Variants in SLC25A46 observed in about 807,000 individuals in gnomAD.
The protein encoded by SLC25A46 is mitochondrial outer membrane protein SLC25A46.
Under a neutral mutation model 44.6 loss-of-function variants are expected in SLC25A46, and 39 were observed. That is an observed-to-expected ratio of 0.87 (90% CI 0.68 to 1.14). The LOEUF (loss-of-function observed/expected upper bound fraction) is 1.14. Ranked by LOEUF, SLC25A46 falls within the 50% of genes most tolerant of loss-of-function variation. The pLI, the probability that SLC25A46 is intolerant of heterozygous loss-of-function variation, is 0.00. For synonymous variants in SLC25A46, 202 were observed against 185.8 expected (o/e 1.09, Z -0.71); for missense variants, 547 against 522.7 (o/e 1.05, Z -0.45).
Position 110,758,573 on chromosome 5 carries a change from C to CA in SLC25A46, c.678+1815dup, listed in dbSNP as rs577301603. Among the ~76,000 whole-genome samples, 468 of 152,026 alleles carry CA rather than the reference C, an allele frequency of 3.1e-3. 1 individual carries two copies. Among genetic ancestry groups the CA allele is most frequent in the Non-Finnish European group, 5.2e-3 (353 of 67,996 alleles). On this transcript the variant is annotated intron_variant, in intron 7 of 7. Coordinates refer to ENST00000355943, the MANE Select transcript of SLC25A46 (RefSeq NM_138773.4). ...GGCCTAGGTGGGCGGATCATGAGGT[C>CA]AGGAGTTCGAGACCAGCCTGGCCAA...
At chr5:110,743,966 G>A (rs1799752396) in intron 3 of SLC25A46, among the ~76,000 whole-genome samples, 179 bp downstream of exon 3, 1 of 151,988 alleles carries the variant, frequency 6.6e-6, no homozygotes, top group Admixed American at 6.5e-5. Context: ...AATAACTTTG[G>A]TTTATGTTGG....
rs534957182 is a variant in SLC25A46, at chr5:110,761,098, T to C, written c.679-106T>C. The C allele has an allele frequency of 1.2e-5, 10 of 823,376 alleles. No homozygotes were observed. In the Admixed American group the frequency reaches 1.3e-4, roughly 11 times the overall value. The allele number at this position is 823,376 out of a possible 1,614,324, so 51.0% of individuals were successfully genotyped here. On this transcript the variant is annotated intron_variant, in intron 7 of 7. Transcript: ENST00000355943. The surrounding 1 kb of genome is among the most constrained non-coding windows in gnomAD (Gnocchi z 5.3). ...AGTCTGCAAATCATGGATGTTTCCC[T>C]CTTCAGTCACTATGTTAGGATTTAA...
intron 5 of SLC25A46, among the ~76,000 whole-genome samples, chr5:110,749,482 CATG>C (rs1435967263): frequency 7.1e-6 from 1 of 141,304 alleles, no homozygotes; most frequent in Non-Finnish European, 1.5e-5. Flanking sequence ...CCTAGGCATA[CATG>C]TGTGCCGTGT....
rs1409729642 is a variant in SLC25A46, at chr5:110,739,364, C to T, written c.245C>T (p.Ser82Phe). 3.2e-6 allele frequency: 5 copies of T among 1,556,220 alleles called. No homozygotes were observed. Among genetic ancestry groups the T allele is most frequent in the Non-Finnish European group, 4.3e-6 (5 of 1,152,938 alleles). The part of the protein sequence containing the change: ...PYEGPTEEPF[S>F]SGGGGSVQGQ... ...GAAGGCCCCACGGAGGAACCCTTTT[C>T]CAGTGGCGGCGGCGGCAGTGTGCAG... Residue 82 changes from serine (S) to phenylalanine (F), a missense_variant, in exon 1 of 8, where the codon TCC becomes TTC. Transcript: ENST00000355943.
chr5:110,753,163 C>T (rs1411175449), intron 5 of SLC25A46: 2 of 152,098 alleles, frequency 1.3e-5, no homozygotes, highest in South Asian at 2.1e-4. Flanking sequence ...TGTTTTTGTT[C>T]AAAACCAATT....
Position 110,746,250 on chromosome 5 carries a change from T to C in SLC25A46, c.385-19T>C. 6.5e-7 allele frequency: 1 copy of C among 1,528,270 alleles called. No individual in the cohort carries two copies. Among genetic ancestry groups the C allele is most frequent in the Non-Finnish European group, 8.9e-7 (1 of 1,129,150 alleles). The allele number at this position is 1,528,270 out of a possible 1,614,324, so 94.7% of individuals were successfully genotyped here. On this transcript the variant is annotated intron_variant, in intron 3 of 7. Coordinates refer to ENST00000355943, the MANE Select transcript of SLC25A46 (RefSeq NM_138773.4). ...ACAAAACATTAACAGAAAAAAATAA[T>C]GAAATATCTTTTTTACAGGTTAATT...
At chr5:110,741,228 G>C (rs891178026) in intron 1 of SLC25A46, among the ~76,000 whole-genome samples, 1 of 152,180 alleles carries the variant, frequency 6.6e-6, no homozygotes, top group Non-Finnish European at 1.5e-5. Context: ...ATGACTTTGA[G>C]TTTAGTCAAG....
intron 3 of SLC25A46, 23 bp from the exon 4 acceptor site, chr5:110,746,246 A>G: frequency 6.6e-7 from 1 of 1,519,556 alleles, no homozygotes; most frequent in East Asian, 2.4e-5. Context: ...ACAGAAAAAA[A>G]TAATGAAATA....
intron 3 of SLC25A46, 186 bp from the exon 4 acceptor site, chr5:110,746,083 C>T (rs954964215): frequency 1.1e-5 from 6 of 546,998 alleles, no homozygotes; most frequent in Non-Finnish European, 1.9e-5. Context: ...TTTATATAAC[C>T]ATACATACTG....
At chr5:110,750,738 G>T (rs1245492926) in intron 5 of SLC25A46, among the ~76,000 whole-genome samples, 2 of 152,126 alleles carry the variant, frequency 1.3e-5, no homozygotes, top group Non-Finnish European at 2.9e-5. Flanking sequence ...TAAATCCGTA[G>T]TTGCCTGAAT....
chr5:110,739,554 C>T, intron 1 of SLC25A46, 152 bp downstream of exon 1: 1 of 1,087,940 alleles, frequency 9.2e-7, no homozygotes, highest in Non-Finnish European at 1.3e-6. Context: ...GGTCCTCTGC[C>T]CCTGAGGCTG....
chr5:110,756,609 A>G (rs1216355533), intron 6 of SLC25A46, 93 bp from the exon 7 acceptor site: 6 of 782,130 alleles, frequency 7.7e-6, no homozygotes, highest in African/African-American at 7.3e-5. Context: ...TAGCTTGACT[A>G]TAAATTATGT....
At position 110,752,059 on chromosome 5, in the gene SLC25A46, TGAG is replaced by T. The variant is rs752799364; in HGVS notation, c.564-3400_564-3398del. Among the ~76,000 whole-genome samples the T allele has an allele frequency of 1.4e-4, 22 of 152,250 alleles. 1 individual carries two copies. Among genetic ancestry groups the T allele is most frequent in the Admixed American group, 7.2e-4 (11 of 15,276 alleles). ...ACAGCAGTTCACAGAAGCTACTACATGAGGAGGATGAGCTCTGAGGTCTCCTAG... is the reference window on the plus strand; with the variant it reads ...ACAGCAGTTCACAGAAGCTACTACATGAGGATGAGCTCTGAGGTCTCCTAG... On this transcript the variant is annotated intron_variant, in intron 5 of 7. Coordinates refer to ENST00000355943, the MANE Select transcript of SLC25A46 (RefSeq NM_138773.4).
intron 7 of SLC25A46, among the ~76,000 whole-genome samples, chr5:110,759,126 C>T (rs1800183467): frequency 1.3e-5 from 2 of 152,024 alleles, no homozygotes; most frequent in African/African-American, 4.8e-5. Context: ...ATGCTCTGTT[C>T]TCATAGCACT....
At chr5:110,751,163 G>T (rs976882104) in intron 5 of SLC25A46, among the ~76,000 whole-genome samples, 1 of 152,094 alleles carries the variant, frequency 6.6e-6, no homozygotes, top group African/African-American at 2.4e-5. Flanking sequence ...TATGTGCCAG[G>T]TTCTGTGCTA....
In SLC25A46 at chr5:110,739,080, T is replaced by TGGGCTCCGGGCGGGCTCGCGTCATCC; in HGVS notation, c.-39_-14dup. On this transcript the variant is annotated 5_prime_UTR_variant, in exon 1 of 8. Transcript: ENST00000355943. ...TAGGTCGTGGTGGCCCCGGTGGTGG[T>TGGGCTCCGGGCGGGCTCGCGTCATCC]GGGCTCCGGGCGGGCTCGCGTCATC... 2.0e-6 allele frequency: 3 copies of TGGGCTCCGGGCGGGCTCGCGTCATCC among 1,533,712 alleles called. No homozygotes were observed. Among genetic ancestry groups the TGGGCTCCGGGCGGGCTCGCGTCATCC allele is most frequent in the Non-Finnish European group, 2.6e-6 (3 of 1,144,076 alleles).
chr5:110,738,326 C>A, upstream of SLC25A46: 1 of 1,102,950 alleles, frequency 9.1e-7, no homozygotes. Flanking sequence ...ACTGGGATTT[C>A]AATACCCTGA....
chr5:110,746,161 T>C (rs1799812659), intron 3 of SLC25A46, 108 bp from the exon 4 acceptor site: 1 of 880,406 alleles, frequency 1.1e-6, no homozygotes, highest in Non-Finnish European at 1.8e-6. Flanking sequence ...ATGTTGACTT[T>C]GGAATTAACT....
chr5:110,754,781 C>T (rs76249861), intron 5 of SLC25A46: 394 of 152,202 alleles, frequency 2.6e-3, no homozygotes, highest in Non-Finnish European at 4.2e-3. Flanking sequence ...GCAGTACAGG[C>T]AGAGAGTACC....
Sources: gnomAD v4.1 joint callset for allele counts (sites outside exome capture counted in the v4.1 genomes callset) on GRCh38, gnomAD v4.1.1 for gene constraint, Gnocchi (gnomAD v3.1) non-coding constraint, MANE v1.5 for transcripts, NCBI Gene and HGNC (gene_info 2026-07-23, HGNC 2026-07-21) for gene names.